TNFSF13B: variants seen among roughly 807,000 people sequenced by gnomAD.
TNFSF13B encodes tumor necrosis factor ligand superfamily member 13B.
In TNFSF13B, 8 loss-of-function variants were observed where a neutral mutation model predicts 29.1. The ratio of observed to expected loss-of-function variants is 0.27; its 90% CI spans 0.16 to 0.50. TNFSF13B has a LOEUF of 0.50. TNFSF13B is among the 20% of genes least tolerant of loss of function. The pLI is 0.98. For synonymous variants in TNFSF13B, 125 were observed against 130.8 expected, an observed-to-expected ratio of 0.96 and a Z score of 0.30; for missense variants, 248 against 334.9, an observed-to-expected ratio of 0.74 and a Z score of 2.03.
intron 2 of TNFSF13B, among the ~76,000 whole-genome samples, chr13:108,282,036 A>C (rs1419170068): frequency 2.6e-5 from 4 of 152,260 alleles, no homozygotes; most frequent in Non-Finnish European, 5.9e-5. Flanking sequence ...TTTTGCAGAA[A>C]TGAAAGTGAG....
intron 5 of TNFSF13B, among the ~76,000 whole-genome samples, chr13:108,306,311 A>ATAT (rs1366252143): frequency 1.3e-5 from 2 of 152,096 alleles, no homozygotes; most frequent in Non-Finnish European, 2.9e-5. Flanking sequence ...AAGAAAAACT[A>ATAT]TATTAATGAA....
At position 108,270,102 on chromosome 13, in the gene TNFSF13B, G is replaced by T; in HGVS notation, c.207G>T (p.Val69=). 1 of 1,603,528 alleles carries T rather than the reference G, an allele frequency of 6.2e-7. No homozygotes were observed. Residue 69 remains valine, a synonymous_variant, in exon 1 of 6, where the codon GTG becomes GTT. Coordinates refer to ENST00000375887, the MANE Select transcript of TNFSF13B (RefSeq NM_006573.5). ...CCLTVVSFYQ[V]AALQGDLASL... is the part of the protein sequence containing the mutation. ...TCACGGTGGTGTCTTTCTACCAGGTGGCCGCCCTGCAAGGGGACCTGGCCA... is the reference window on the plus strand; with the variant it reads ...TCACGGTGGTGTCTTTCTACCAGGTTGCCGCCCTGCAAGGGGACCTGGCCA...
chr13:108,283,620 T>A (rs1881026619), intron 2 of TNFSF13B, among the ~76,000 whole-genome samples: 1 of 152,192 alleles, frequency 6.6e-6, no homozygotes, highest in Non-Finnish European at 1.5e-5. Context: ...ACATAGAACA[T>A]CTAAATCTGC....
At chr13:108,284,340 A>AAATAAATAAATAAATG (rs1344268336) in intron 2 of TNFSF13B, among the ~76,000 whole-genome samples, 1 of 131,552 alleles carries the variant, frequency 7.6e-6, no homozygotes, top group Non-Finnish European at 1.6e-5. Context: ...AAAAATAAAT[A>AAATAAATAAATAAATG]AATAAATAAA....
intron 2 of TNFSF13B, among the ~76,000 whole-genome samples, chr13:108,271,446 A>T (rs1429906043): frequency 9.6e-4 from 5 of 5,228 alleles, no homozygotes; most frequent in Admixed American, 2.3e-3. Flanking sequence ...CCCTTCTATC[A>T]CACACACACA....
At chr13:108,304,811 C>T (rs1881724647) in intron 5 of TNFSF13B, among the ~76,000 whole-genome samples, 1 of 152,116 alleles carries the variant, frequency 6.6e-6, no homozygotes, top group African/African-American at 2.4e-5. Context: ...CATTCTGGAT[C>T]TGCAGCCACA....
At chr13:108,284,812 A>C (rs936030162) in intron 2 of TNFSF13B, among the ~76,000 whole-genome samples, 2 of 152,182 alleles carry the variant, frequency 1.3e-5, no homozygotes, top group Non-Finnish European at 2.9e-5. Context: ...ATTACTTAAG[A>C]AGGATTTGTT....
At chr13:108,290,569 T>C (rs553517065) in intron 3 of TNFSF13B, among the ~76,000 whole-genome samples, 1 of 152,248 alleles carries the variant, frequency 6.6e-6, no homozygotes, top group South Asian at 2.1e-4. Context: ...TTCTTCCAAT[T>C]TTTCATGTCT....
At chr13:108,306,804 CT>C (rs1566411050) in intron 5 of TNFSF13B, 21 bp from the exon 6 acceptor site, 2 of 1,384,708 alleles carry the variant, frequency 1.4e-6, no homozygotes, top group East Asian at 4.6e-5. Context: ...ACTTATAGTT[CT>C]TGTAAATCAT....
intron 3 of TNFSF13B, 65 bp downstream of exon 3, chr13:108,286,924 A>C: frequency 8.3e-7 from 1 of 1,200,472 alleles, no homozygotes; most frequent in Non-Finnish European, 1.2e-6. Flanking sequence ...CTGGATTAAG[A>C]AAATGTGGCA....
rs1566411218 is a variant in TNFSF13B, at chr13:108,307,015, CCAAAAAAAAAAAAA to C, written c.*78_*91del. Reference sequence around the variant, plus strand: ...AGAAGAAAGAATCTAACTGAAAATACCAAAAAAAAAAAAAAAAAAAAAAAAAAAAAAAGTAGTTA... The same window carrying C: ...AGAAGAAAGAATCTAACTGAAAATACAAAAAAAAAAAAAAAAAAGTAGTTA... On this transcript the variant is annotated 3_prime_UTR_variant, in exon 6 of 6. Coordinates refer to ENST00000375887, the MANE Select transcript of TNFSF13B (RefSeq NM_006573.5). The C allele has an allele frequency of 9.2e-5, 2 of 21,658 alleles. No individual in the cohort carries two copies. The highest frequency in any genetic ancestry group is 1.7e-4 in the Non-Finnish European group (2 of 11,780). The allele number at this position is 21,658 out of a possible 1,614,324, so 1.3% of individuals were successfully genotyped here.
intron 3 of TNFSF13B, among the ~76,000 whole-genome samples, chr13:108,300,790 C>G (rs1466823707): frequency 2.6e-5 from 4 of 152,148 alleles, no homozygotes; most frequent in Non-Finnish European, 5.9e-5. Flanking sequence ...TGGTGAGAGA[C>G]AGTGACAGAG....
chr13:108,284,344 AAAT>A (rs1881056473), intron 2 of TNFSF13B, among the ~76,000 whole-genome samples: 3 of 134,224 alleles, frequency 2.2e-5, no homozygotes, highest in East Asian at 6.3e-4. Context: ...ATAAATAAAT[AAAT>A]AAATAAATGA....
At chr13:108,302,506 C>T (rs1216737485) in intron 3 of TNFSF13B, among the ~76,000 whole-genome samples, 6 of 145,998 alleles carry the variant, frequency 4.1e-5, no homozygotes, top group South Asian at 4.4e-4. Flanking sequence ...GATGTCTGAA[C>T]GCACCTACAG....
At chr13:108,288,959 C>T (rs1881223647) in intron 3 of TNFSF13B, among the ~76,000 whole-genome samples, 2 of 152,064 alleles carry the variant, frequency 1.3e-5, no homozygotes, top group South Asian at 4.1e-4. Context: ...TTCTGCGTGA[C>T]TTTAATTGTC....
intron 2 of TNFSF13B, among the ~76,000 whole-genome samples, chr13:108,281,535 T>A (rs1156271783): frequency 1.3e-5 from 2 of 152,314 alleles, no homozygotes; most frequent in East Asian, 3.9e-4. Context: ...CTTTTCCCAG[T>A]AGATCACTGA....
intron 5 of TNFSF13B, 147 bp from the exon 6 acceptor site, chr13:108,306,679 C>A (rs2139073309): frequency 2.0e-6 from 1 of 501,464 alleles, no homozygotes; most frequent in Non-Finnish European, 3.5e-6. Context: ...AAGATAATTG[C>A]AATGGTTTAG....
intron 3 of TNFSF13B, among the ~76,000 whole-genome samples, chr13:108,291,501 A>C (rs1881311528): frequency 6.6e-6 from 1 of 151,908 alleles, no homozygotes; most frequent in African/African-American, 2.4e-5. Context: ...GATAAATAGA[A>C]ACATTTTCTT....
intron 2 of TNFSF13B, among the ~76,000 whole-genome samples, chr13:108,275,666 ATTGT>A (rs1250428518): frequency 3.9e-5 from 6 of 152,078 alleles, no homozygotes; most frequent in Non-Finnish European, 8.8e-5. Flanking sequence ...TGAGCTTGGG[ATTGT>A]TTAAGAATTA....
Sources: allele counts gnomAD v4.1 joint callset (sites outside exome capture counted in the v4.1 genomes callset), GRCh38; gene constraint gnomAD v4.1.1; transcripts MANE v1.5; gene names NCBI Gene and HGNC (gene_info 2026-07-23, HGNC 2026-07-21).